Variants in WDPCP observed in about 807,000 individuals in gnomAD.
WDPCP encodes the protein WD repeat-containing and planar cell polarity effector protein fritz homolog.
In WDPCP, 71 loss-of-function variants were observed where a neutral mutation model predicts 93.1. That is an observed-to-expected ratio of 0.76 (90% CI 0.63 to 0.93). The LOEUF (loss-of-function observed/expected upper bound fraction) is 0.93, where lower values mean the gene tolerates loss of function less well. Among genes scored for constraint, WDPCP ranks in the 40% least tolerant of loss-of-function variants. The pLI is 0.00. For missense variants in WDPCP, 844 were observed against 887.4 expected (o/e 0.95, Z 0.62); for synonymous variants, 315 against 315.0 (o/e 1.00, Z 0.00).
intron 17 of WDPCP, among the ~76,000 whole-genome samples, chr2:63,144,084 A>T (rs1671286617): frequency 6.6e-6 from 1 of 152,082 alleles, no homozygotes; most frequent in Admixed American, 6.5e-5. Context: ...GATTATTCTT[A>T]AGTTTGGTTG....
At chr2:63,731,042 G>A (rs373614417) in intron 2 of WDPCP, among the ~76,000 whole-genome samples, 3 of 152,120 alleles carry the variant, frequency 2.0e-5, no homozygotes, top group African/African-American at 4.8e-5. Flanking sequence ...AGGCCGAGGC[G>A]GGCGGATCAC....
chr2:63,534,867 C>G (rs1320410053), intron 1 of WDPCP, among the ~76,000 whole-genome samples: 3 of 152,138 alleles, frequency 2.0e-5, no homozygotes, highest in South Asian at 2.1e-4. Flanking sequence ...CCAGGGCAAT[C>G]AGGCAGGAGA....
Position 63,245,616 on chromosome 2 carries a change from A to C in WDPCP, c.1915+13691T>G, listed in dbSNP as rs75871957. On this transcript the variant is annotated intron_variant, in intron 14 of 17. Transcript: ENST00000272321. ...AAGATTTTGATCATGTATTGAGTAG[A>C]TCCATCAGTATTGCAGTGAACACAT... Among the ~76,000 whole-genome samples the C allele has an allele frequency of 1.1e-3, 165 of 152,300 alleles. 1 individual carries two copies. Among genetic ancestry groups the C allele is most frequent in the African/African-American group, 3.7e-3 (155 of 41,578 alleles).
chr2:63,170,305 C>T (rs1350504619), intron 15 of WDPCP, among the ~76,000 whole-genome samples: 2 of 150,318 alleles, frequency 1.3e-5, no homozygotes, highest in Non-Finnish European at 3.0e-5. Context: ...TGGAGTCTCA[C>T]TCTGTCACCC....
At chr2:63,494,287 T>TGACGACGACGACGACGACGAC (rs11281691) in intron 1 of WDPCP, among the ~76,000 whole-genome samples, 2 of 150,334 alleles carry the variant, frequency 1.3e-5, no homozygotes, top group Non-Finnish European at 3.0e-5. Context: ...ATGATGATGA[T>TGACGACGACGACGACGACGAC]GACGACGACG....
At chr2:63,825,919 C>G (rs1000860425) in intron 1 of WDPCP, among the ~76,000 whole-genome samples, 11 of 152,124 alleles carry the variant, frequency 7.2e-5, no homozygotes, top group Admixed American at 7.2e-4. Context: ...ATTTCCTTAT[C>G]TACATCTTTG....
intron 12 of WDPCP, among the ~76,000 whole-genome samples, chr2:63,360,456 T>C (rs1690364333): frequency 6.6e-6 from 1 of 152,188 alleles, no homozygotes; most frequent in East Asian, 1.9e-4. Context: ...TTTTCCCAAA[T>C]GAAAAAATTC....
chr2:63,604,763 C>G (rs780239437), intron 3 of WDPCP: 2 of 1,613,956 alleles, frequency 1.2e-6, no homozygotes, highest in Admixed American at 1.7e-5. Context: ...AACCATTCCT[C>G]GACTCAGTAT....
At position 63,306,757 on chromosome 2, in the gene WDPCP, G is replaced by A. The variant is rs535137873; in HGVS notation, c.1812+6491C>T. The stretch of plus-strand genomic sequence containing the variant: ...GAACATAGCCCAAAATAATAAGACC[G>A]ATCTATGACAAACCCACAGCCAGTA... On this transcript the variant is annotated intron_variant, in intron 13 of 17. Transcript: ENST00000272321. Among the ~76,000 whole-genome samples the A allele has an allele frequency of 1.2e-3, 181 of 152,090 alleles. 1 individual carries two copies. In the South Asian group the frequency reaches 0.014, roughly 12 times the overall value.
At chr2:63,781,113 T>G (rs570291029) in intron 2 of WDPCP, among the ~76,000 whole-genome samples, 22 of 152,314 alleles carry the variant, frequency 1.4e-4, no homozygotes, top group African/African-American at 5.1e-4. Flanking sequence ...TTAGTGCTAT[T>G]TCCCCCCACT....
intron 3 of WDPCP, among the ~76,000 whole-genome samples, chr2:63,610,452 C>A (rs1575729274): frequency 1.3e-5 from 2 of 151,048 alleles, no homozygotes; most frequent in African/African-American, 4.9e-5. Flanking sequence ...CCAGTTAAAT[C>A]ATAATTTAAA....
At chr2:63,223,306 C>G (rs548939921) in intron 14 of WDPCP, among the ~76,000 whole-genome samples, 2 of 152,204 alleles carry the variant, frequency 1.3e-5, no homozygotes, top group African/African-American at 4.8e-5. Context: ...CAGCAAAGAC[C>G]TAGATTCTTC....
In WDPCP at chr2:63,338,693, G is replaced by A. The variant is rs910401314; in HGVS notation, c.1749-25382C>T. On this transcript the variant is annotated intron_variant, in intron 12 of 17. Transcript: ENST00000272321. ...TATCGCAAATGACTTGTCTATAAAA[G>A]TGTGAATTTATATCAGGGTTCTCTA... Among the ~76,000 whole-genome samples, 6 of 147,460 alleles carry A rather than the reference G, an allele frequency of 4.1e-5. No homozygotes were observed. In the Admixed American group the frequency reaches 4.1e-4, roughly 10 times the overall value.
chr2:63,273,819 ACACACACG>A (rs1682853663), intron 13 of WDPCP, among the ~76,000 whole-genome samples: 1 of 143,706 alleles, frequency 7.0e-6, no homozygotes, highest in African/African-American at 2.5e-5. Flanking sequence ...ACACACACAC[ACACACACG>A]CACACACACA....
chr2:63,728,671 C>T (rs1051574034), intron 2 of WDPCP, among the ~76,000 whole-genome samples: 1 of 152,144 alleles, frequency 6.6e-6, no homozygotes, highest in Non-Finnish European at 1.5e-5. Context: ...AGTTATCCCA[C>T]TGCAAGTTGA....
intron 1 of WDPCP, among the ~76,000 whole-genome samples, chr2:63,514,446 A>G (rs1702429711): frequency 6.6e-6 from 1 of 152,132 alleles, no homozygotes; most frequent in Non-Finnish European, 1.5e-5. Context: ...GGGTTGCACC[A>G]TTGATACAGC....
chr2:63,755,075 C>T (rs111503629), intron 2 of WDPCP, among the ~76,000 whole-genome samples: 2,581 of 152,282 alleles, frequency 0.017, 24 homozygotes, highest in African/African-American at 0.018. Context: ...TGTTGGAATG[C>T]CCTCATGACG....
intron 1 of WDPCP, among the ~76,000 whole-genome samples, chr2:63,585,643 T>C (rs1190428325): frequency 1.3e-5 from 2 of 152,076 alleles, no homozygotes; most frequent in South Asian, 4.1e-4. Flanking sequence ...ATCTTTACAT[T>C]ATAGTACTCT....
At chr2:63,801,024 G>A (rs1670687389) in intron 2 of WDPCP, among the ~76,000 whole-genome samples, 3 of 152,164 alleles carry the variant, frequency 2.0e-5, no homozygotes, top group Admixed American at 1.3e-4. Context: ...ATTATACTCA[G>A]CCTGGACTAC....
Sources: gnomAD v4.1 joint callset for allele counts (sites outside exome capture counted in the v4.1 genomes callset) on GRCh38, gnomAD v4.1.1 for gene constraint, MANE v1.5 for transcripts, NCBI Gene and HGNC (gene_info 2026-07-23, HGNC 2026-07-21) for gene names.